Variants in ATP10A observed in about 807,000 individuals in gnomAD.
ATP10A encodes phospholipid-transporting ATPase VA.
ATP10A carries 111 observed loss-of-function variants against 147.8 expected under a neutral mutation model. The ratio of observed to expected loss-of-function variants is 0.75; its 90% CI spans 0.64 to 0.88. The LOEUF is 0.88. Among genes scored for constraint, ATP10A ranks in the 40% least tolerant of loss-of-function variants. The probability of loss-of-function intolerance (pLI) is 0.00; values close to 1 mark genes in which losing one functional copy is unlikely to be tolerated. For synonymous variants in ATP10A, 875 were observed against 841.6 expected (o/e 1.04, Z -0.69); for missense variants, 1,927 against 1,959.0 (o/e 0.98, Z 0.31).
At chr15:25,781,654 CA>C (rs548952406) in intron 1 of ATP10A, among the ~76,000 whole-genome samples, 2 of 138,934 alleles carry the variant, frequency 1.4e-5, no homozygotes, top group East Asian at 2.1e-4. Context: ...TATTCCGTCT[CA>C]AAAAAAAAGA....
intron 1 of ATP10A, among the ~76,000 whole-genome samples, chr15:25,855,555 C>CACACAT (rs1183552085): frequency 6.6e-6 from 1 of 151,552 alleles, no homozygotes; most frequent in Non-Finnish European, 1.5e-5. Context: ...CACACACACA[C>CACACAT]ACACACACAC....
At chr15:25,720,397 A>G (rs1401675051) in intron 7 of ATP10A, among the ~76,000 whole-genome samples, 5 of 152,200 alleles carry the variant, frequency 3.3e-5, no homozygotes, top group Non-Finnish European at 7.3e-5. Flanking sequence ...TGTGCAACAG[A>G]TCTCAAAACC....
At chr15:25,850,904 G>A (rs1055220221) in intron 1 of ATP10A, among the ~76,000 whole-genome samples, 1 of 152,182 alleles carries the variant, frequency 6.6e-6, no homozygotes, top group Non-Finnish European at 1.5e-5. Context: ...AAATGACTCA[G>A]TTCAAATGTG....
At chr15:25,786,293 C>T (rs949086472) in intron 1 of ATP10A, among the ~76,000 whole-genome samples, 1 of 152,196 alleles carries the variant, frequency 6.6e-6, no homozygotes, top group Non-Finnish European at 1.5e-5. Flanking sequence ...CCTCGGCCTT[C>T]ACCTCCCACG....
intron 1 of ATP10A, among the ~76,000 whole-genome samples, chr15:25,854,994 G>A (rs1046400724): frequency 3.3e-5 from 5 of 150,902 alleles, no homozygotes; most frequent in African/African-American, 1.2e-4. Flanking sequence ...GGGAGGCGGA[G>A]GTTGCAGTGA....
At chr15:25,738,756 A>G (rs969911266) in intron 2 of ATP10A, 7 of 152,222 alleles carry the variant, frequency 4.6e-5, no homozygotes, top group Admixed American at 2.6e-4. Flanking sequence ...TCTGATCGTC[A>G]TCACCATCAA....
chr15:25,689,126 T>C (rs1229946258), intron 15 of ATP10A, among the ~76,000 whole-genome samples: 1 of 152,246 alleles, frequency 6.6e-6, no homozygotes, highest in Non-Finnish European at 1.5e-5. Context: ...GTCAAACCCC[T>C]CTGAGGACGC....
chr15:25,677,164 T>C (rs1034948977), downstream of ATP10A: 2 of 152,204 alleles, frequency 1.3e-5, no homozygotes, highest in African/African-American at 2.4e-5. Context: ...CCAGCCTTCC[T>C]ACTTATTTTA....
At chr15:25,855,675 A>G (rs1893487030) in intron 1 of ATP10A, among the ~76,000 whole-genome samples, 1 of 152,122 alleles carries the variant, frequency 6.6e-6, no homozygotes, top group Non-Finnish European at 1.5e-5. Flanking sequence ...ATTTCTATTC[A>G]ACATTATACT....
At chr15:25,704,681 G>A (rs1214148019) in intron 12 of ATP10A, among the ~76,000 whole-genome samples, 1 of 152,222 alleles carries the variant, frequency 6.6e-6, no homozygotes, top group East Asian at 1.9e-4. Context: ...AGGAGTTATG[G>A]GAGGGACCCC....
intron 1 of ATP10A, chr15:25,841,847 T>A (rs1035973050): frequency 4.6e-5 from 7 of 152,368 alleles, no homozygotes; most frequent in African/African-American, 1.7e-4. Flanking sequence ...TGATTTCAGT[T>A]TTCACTAGTC....
intron 1 of ATP10A, among the ~76,000 whole-genome samples, chr15:25,853,336 A>G (rs1893371579): frequency 6.6e-6 from 1 of 152,222 alleles, no homozygotes. Context: ...GTTCAACAAG[A>G]AGCTGAAGCA....
intron 2 of ATP10A, among the ~76,000 whole-genome samples, chr15:25,776,310 C>T (rs28551065): frequency 0.15 from 23,237 of 152,094 alleles, 2,829 homozygotes; most frequent in African/African-American, 0.34. Flanking sequence ...GAACCCGCTC[C>T]GAATCCACAC....
chr15:25,839,799 C>G (rs1002296358), intron 1 of ATP10A, among the ~76,000 whole-genome samples: 55 of 152,118 alleles, frequency 3.6e-4, no homozygotes, highest in African/African-American at 1.2e-3. Context: ...CCCATGCACC[C>G]TTCACCCAGC....
At chr15:25,693,621 C>T (rs1404200869) in intron 14 of ATP10A, among the ~76,000 whole-genome samples, 1 of 152,190 alleles carries the variant, frequency 6.6e-6, no homozygotes, top group African/African-American at 2.4e-5. Flanking sequence ...CCGTTTCCAG[C>T]TCCTCAGGGA....
At chr15:25,811,706 C>T (rs113663905) in intron 1 of ATP10A, among the ~76,000 whole-genome samples, 2 of 152,198 alleles carry the variant, frequency 1.3e-5, no homozygotes, top group Non-Finnish European at 2.9e-5. Flanking sequence ...CCCAGAGACA[C>T]CACAGGCGTC....
intron 1 of ATP10A, among the ~76,000 whole-genome samples, chr15:25,822,266 T>G (rs1007551923): frequency 6.6e-6 from 1 of 152,204 alleles, no homozygotes; most frequent in Non-Finnish European, 1.5e-5. Context: ...GGGCTGGCTG[T>G]GTGTGTTATT....
At chr15:25,754,258 C>T (rs1198238466) in intron 2 of ATP10A, among the ~76,000 whole-genome samples, 2 of 152,092 alleles carry the variant, frequency 1.3e-5, no homozygotes, top group African/African-American at 2.4e-5. Context: ...CTCAGCCTCC[C>T]GAGTAGCTGG....
intron 1 of ATP10A, among the ~76,000 whole-genome samples, chr15:25,823,905 CAT>C (rs1055504507): frequency 5.4e-4 from 83 of 152,314 alleles, no homozygotes; most frequent in African/African-American, 1.9e-3. Context: ...AGAGAGTAAA[CAT>C]ATTAGGCTCT....
Sources: allele counts gnomAD v4.1 joint callset (sites outside exome capture counted in the v4.1 genomes callset), GRCh38; gene constraint gnomAD v4.1.1; transcripts MANE v1.5; gene names NCBI Gene and HGNC (gene_info 2026-07-23, HGNC 2026-07-21).